The following CCDC171 variants were observed in gnomAD, a reference collection of about 807,000 sequenced individuals.
CCDC171 encodes coiled-coil domain-containing protein 171.
CCDC171 carries 177 observed loss-of-function variants against 168.2 expected under a neutral mutation model. The observed-to-expected ratio is 1.05, with a 90% confidence interval of 0.93 to 1.19. The LOEUF (loss-of-function observed/expected upper bound fraction) is 1.19. Among genes scored for constraint, CCDC171 ranks in the 50% most tolerant of loss-of-function variants. The probability of loss-of-function intolerance (pLI) is 0.00; values close to 1 mark genes in which losing one functional copy is unlikely to be tolerated. For synonymous variants in CCDC171, 687 were observed against 540.8 expected (o/e 1.27, Z -3.75); for missense variants, 1,991 against 1,539.0 (o/e 1.29, Z -4.91).
chr9:15,901,901 A>T (rs533263911), intron 24 of CCDC171, among the ~76,000 whole-genome samples: 1 of 152,336 alleles, frequency 6.6e-6, no homozygotes, highest in Non-Finnish European at 1.5e-5. Context: ...ATAATAGTTT[A>T]TAATGAGATG....
chr9:15,981,561 T>G (rs952128205), intron 3 of CCDC171, among the ~76,000 whole-genome samples: 2 of 152,148 alleles, frequency 1.3e-5, no homozygotes, highest in African/African-American at 4.8e-5. Flanking sequence ...GGATGACAAA[T>G]AAATGGAAAG....
rs749045588 is a variant in CCDC171 at position 15,971,691 on chromosome 9, T to C, written c.3836T>C (p.Leu1279Ser). The change falls in exon 26 of 26, where the codon TTA (leucine) becomes TCA (serine). Residue 1279 changes from leucine (L) to serine (S), a missense_variant. By Grantham distance (145) the Leu-to-Ser change is moderately radical. Transcript: ENST00000380701. ...GACACAACTGGTATTGGGGATTTCTTACCATTGAAAGCTGAACTTGATACT... is the reference window on the plus strand; with the variant it reads ...GACACAACTGGTATTGGGGATTTCTCACCATTGAAAGCTGAACTTGATACT... ...PADTTGIGDFLPLKAELDTTY... is the reference protein window; with the variant it reads ...PADTTGIGDFSPLKAELDTTY... 3 of 1,613,926 alleles carry C rather than the reference T, an allele frequency of 1.9e-6. No individual in the cohort carries two copies. The highest frequency in any genetic ancestry group is 1.7e-5 in the Admixed American group (1 of 60,010).
chr9:15,745,245 A>C (rs2134666560), intron 17 of CCDC171, among the ~76,000 whole-genome samples: 1 of 152,338 alleles, frequency 6.6e-6, no homozygotes, highest in South Asian at 2.1e-4. Flanking sequence ...TTTTGAAGAA[A>C]CAATTTGTTT....
intron 6 of CCDC171, among the ~76,000 whole-genome samples, chr9:15,603,174 C>T (rs375060864): frequency 6.6e-6 from 1 of 151,898 alleles, no homozygotes; most frequent in Non-Finnish European, 1.5e-5. Context: ...TTAGTAGAGA[C>T]AGGGTTTCAC....
At chr9:15,762,753 T>C (rs1043423486) in intron 18 of CCDC171, among the ~76,000 whole-genome samples, 3 of 152,118 alleles carry the variant, frequency 2.0e-5, no homozygotes, top group Admixed American at 6.6e-5. Flanking sequence ...TACAAGAAAA[T>C]GTATAGCACA....
chr9:15,597,029 C>T (rs1020676676), intron 6 of CCDC171, among the ~76,000 whole-genome samples: 45 of 152,198 alleles, frequency 3.0e-4, no homozygotes, highest in South Asian at 1.2e-3. Context: ...TGCTTATCAG[C>T]TTAAGGAGAT....
chr9:15,964,118 A>T (rs567834727), intron 25 of CCDC171, among the ~76,000 whole-genome samples: 1 of 152,282 alleles, frequency 6.6e-6, no homozygotes, highest in Non-Finnish European at 1.5e-5. Context: ...TGATAACTTT[A>T]TATTGCCCTA....
chr9:15,983,799 C>A (rs1382539757), intron 3 of CCDC171, among the ~76,000 whole-genome samples: 2 of 111,596 alleles, frequency 1.8e-5, no homozygotes, highest in African/African-American at 7.3e-5. Flanking sequence ...GGTAGGGAGG[C>A]AAGAGCTAAA....
chr9:15,861,821 A>G (rs1385572028), intron 23 of CCDC171, among the ~76,000 whole-genome samples: 1 of 151,928 alleles, frequency 6.6e-6, no homozygotes, highest in African/African-American at 2.4e-5. Context: ...ATATCTGTAT[A>G]TTTACCTTTG....
At chr9:15,884,731 G>A (rs1819160506) in intron 24 of CCDC171, among the ~76,000 whole-genome samples, 1 of 152,084 alleles carries the variant, frequency 6.6e-6, no homozygotes, top group Admixed American at 6.5e-5. Context: ...TGACAGTGAC[G>A]CCAGTCTTGC....
chr9:15,769,677 A>C (rs1232041477), intron 18 of CCDC171, among the ~76,000 whole-genome samples: 1 of 152,230 alleles, frequency 6.6e-6, no homozygotes, highest in Non-Finnish European at 1.5e-5. Context: ...GCAAGTCATC[A>C]TAGTCTCCCC....
chr9:15,886,443 A>C (rs115742123), intron 24 of CCDC171: 1 of 152,196 alleles, frequency 6.6e-6, no homozygotes, highest in South Asian at 2.1e-4. Flanking sequence ...TAGGATGGCT[A>C]TTACCAGAAA....
intron 1 of CCDC171, among the ~76,000 whole-genome samples, chr9:16,059,627 G>A (rs1268072269): frequency 6.9e-6 from 1 of 145,926 alleles, no homozygotes; most frequent in East Asian, 2.0e-4. Context: ...CCATTCTCCT[G>A]CCTCAGCCTC....
chr9:15,909,255 T>C (rs1823245743), intron 24 of CCDC171, among the ~76,000 whole-genome samples: 1 of 152,230 alleles, frequency 6.6e-6, no homozygotes, highest in Non-Finnish European at 1.5e-5. Context: ...GGTGTTACCA[T>C]TGTAGAAGTA....
chr9:16,064,493 G>A (rs554082525), downstream of CCDC171, among the ~76,000 whole-genome samples: 6 of 152,210 alleles, frequency 3.9e-5, no homozygotes, highest in Non-Finnish European at 7.4e-5. Context: ...GGAAAGAGGC[G>A]AAAGGGCCAG....
In CCDC171 at chr9:15,677,893, T is replaced by C. The variant is rs1199874519; in HGVS notation, c.1077-865T>C. ...TGTGTGTGTGTCATATATATATATA[T>C]ATATATATATATATATATATATATA... On this transcript the variant is annotated intron_variant, in intron 9 of 25. Transcript: ENST00000380701. 3.7e-4 allele frequency among the ~76,000 whole-genome samples: 6 copies of C among 16,318 alleles called. 1 individual carries two copies. The highest frequency in any genetic ancestry group is 1.6e-3 in the African/African-American group (6 of 3,752). The allele number at this position is 16,318 out of a possible 152,430, so 10.7% of individuals were successfully genotyped here.
At chr9:15,995,435 C>A (rs77256912) in intron 3 of CCDC171, among the ~76,000 whole-genome samples, 1 of 152,336 alleles carries the variant, frequency 6.6e-6, no homozygotes, top group Admixed American at 6.5e-5. Context: ...GAAATTCACT[C>A]CTTGAAAACA....
chr9:15,658,884 G>T (rs1219282767), intron 8 of CCDC171, among the ~76,000 whole-genome samples: 2 of 152,164 alleles, frequency 1.3e-5, no homozygotes, highest in African/African-American at 2.4e-5. Flanking sequence ...TTGCCAATTT[G>T]TGGTAATTGG....
At chr9:15,880,130 A>C (rs1369177760) in intron 24 of CCDC171, among the ~76,000 whole-genome samples, 7 of 152,162 alleles carry the variant, frequency 4.6e-5, no homozygotes, top group African/African-American at 7.2e-5. Context: ...AGTAAAGAGG[A>C]TACATTTTGT....
Sources: gnomAD v4.1 joint callset for allele counts (sites outside exome capture counted in the v4.1 genomes callset) on GRCh38, gnomAD v4.1.1 for gene constraint, MANE v1.5 for transcripts, NCBI Gene and HGNC (gene_info 2026-07-23, HGNC 2026-07-21) for gene names.